The following EIF2AK1 variants were observed in gnomAD, a reference collection of about 807,000 sequenced individuals.
EIF2AK1 encodes eukaryotic translation initiation factor 2-alpha kinase 1.
Under a neutral mutation model 77.9 loss-of-function variants are expected in EIF2AK1, and 54 were observed. That is an observed-to-expected ratio of 0.69 (90% CI 0.56 to 0.87). EIF2AK1 has a LOEUF of 0.87. Ranked by LOEUF, EIF2AK1 falls within the 40% of genes least tolerant of loss-of-function variation. EIF2AK1 has a pLI of 0.00. For missense variants in EIF2AK1, 810 were observed against 768.6 expected (o/e 1.05, Z -0.64); for synonymous variants, 314 against 290.5 (o/e 1.08, Z -0.82).
chr7:6,024,912 C>G, intron 14 of EIF2AK1, 111 bp from the exon 15 acceptor site: 3 of 770,628 alleles, frequency 3.9e-6, no homozygotes, highest in Non-Finnish European at 5.6e-6. Context: ...GATCTTGGCT[C>G]ACTGCAACCT....
chr7:6,038,936 G>A (rs1247492499), intron 9 of EIF2AK1, among the ~76,000 whole-genome samples: 1 of 152,088 alleles, frequency 6.6e-6, no homozygotes, highest in Non-Finnish European at 1.5e-5. Context: ...GGGGGGCCAG[G>A]CTGAAGTCAG....
Position 6,053,244 on chromosome 7 carries a change from A to G in EIF2AK1, c.277+1302T>C, listed in dbSNP as rs114477358. ...TAGATGTATATATTTATGGGGGTAC[A>G]TGAGATATTTTGATACAGACATGTG... On this transcript the variant is annotated intron_variant, in intron 2 of 14. Coordinates refer to ENST00000199389, the MANE Select transcript of EIF2AK1 (RefSeq NM_014413.4). Among the ~76,000 whole-genome samples the G allele has an allele frequency of 6.3e-3, 964 of 152,322 alleles. 9 individuals carry two copies. Among genetic ancestry groups the G allele is most frequent in the African/African-American group, 0.022 (927 of 41,572 alleles).
chr7:6,037,741 T>C (rs556318780), intron 10 of EIF2AK1, among the ~76,000 whole-genome samples: 29 of 152,140 alleles, frequency 1.9e-4, no homozygotes, highest in African/African-American at 6.3e-4. Context: ...CACCCAACAG[T>C]TGATGGACTT....
Position 6,023,498 on chromosome 7 carries a change from G to A in EIF2AK1, c.*1175C>T, listed in dbSNP as rs145632958. The stretch of plus-strand genomic sequence containing the variant: ...AGTAAAGAAAAAGCCGCTGTTTTCC[G>A]CTCCATGAACTCTGCTCTTGGGAAG... On this transcript the variant is annotated 3_prime_UTR_variant, in exon 15 of 15. Coordinates refer to ENST00000199389, the MANE Select transcript of EIF2AK1 (RefSeq NM_014413.4). 84 of 1,614,120 alleles carry A rather than the reference G, an allele frequency of 5.2e-5. No homozygotes were observed. The East Asian group carries it at 1.4e-3, about 28-fold the overall frequency.
chr7:6,032,748 A>C lies in EIF2AK1; in HGVS notation c.1333-3716T>G. 1 of 1,052,550 alleles carries C rather than the reference A, an allele frequency of 9.5e-7. No individual in the cohort carries two copies. Among genetic ancestry groups the C allele is most frequent in the South Asian group, 1.5e-5 (1 of 67,816 alleles). The allele number at this position is 1,052,550 out of a possible 1,614,324, so 65.2% of individuals were successfully genotyped here. On this transcript the variant is annotated intron_variant, in intron 11 of 14. Transcript: ENST00000199389. The surrounding 1 kb of genome is among the most constrained non-coding windows in gnomAD (Gnocchi z 4.3). ...AGAGTGAGCCAATGAGACACTAAAT[A>C]AATGTATTGCCTTTGAAACGGCAAG...
intron 1 of EIF2AK1, chr7:6,058,230 C>A: frequency 2.2e-6 from 1 of 445,098 alleles, no homozygotes; most frequent in Non-Finnish European, 4.5e-6. Flanking sequence ...GGAAACACAG[C>A]AAGACCACAT....
rs1239209561 is a variant in EIF2AK1, at chr7:6,049,918, A to C, written c.405T>G (p.Val135=). 1.2e-6 allele frequency: 2 copies of C among 1,608,914 alleles called. No homozygotes were observed. Among genetic ancestry groups the C allele is most frequent in the Non-Finnish European group, 1.7e-6 (2 of 1,178,978 alleles). ...THLMRSAKER[V]RQDPCEDISR... ...TATATTTTTTAGGGCTTACCTGACG[A>C]ACTCTCTCTTTAGCAGACCTCATTA... Residue 135 remains valine (V), a synonymous_variant, in exon 3 of 15, where the codon GTT becomes GTG. Transcript: ENST00000199389.
At chr7:6,058,318 A>C (rs1266321437) in intron 1 of EIF2AK1, 5 of 362,826 alleles carry the variant, frequency 1.4e-5, no homozygotes, top group Non-Finnish European at 2.7e-5. Context: ...TCGGGAGGCT[A>C]AGGCTGGAGG....
chr7:6,024,300 G>C lies in EIF2AK1; in HGVS notation c.*373C>G. 2 of 1,215,960 alleles carry C rather than the reference G, an allele frequency of 1.6e-6. No individual in the cohort carries two copies. The highest frequency in any genetic ancestry group is 2.1e-6 in the Non-Finnish European group (2 of 960,646). The allele number at this position is 1,215,960 out of a possible 1,614,324, so 75.3% of individuals were successfully genotyped here. A position where few individuals can be genotyped will look rare whatever the true frequency, so the allele number is the denominator to read the frequency against. On this transcript the variant is annotated 3_prime_UTR_variant, in exon 15 of 15. Transcript: ENST00000199389. Reference sequence around the variant, plus strand: ...AGGAAGACTGGCAGCTGTCAAAACTGGAACAGTCCAGTGAGTATGTGCAGG... The same window carrying C: ...AGGAAGACTGGCAGCTGTCAAAACTCGAACAGTCCAGTGAGTATGTGCAGG...
In EIF2AK1 at chr7:6,035,925, A is replaced by G; in HGVS notation, c.1332+1499T>C. ...GGTCAGCTGCATCCGTCTGCTACTC[A>G]CTCACGGAGCCAAAGTCAACGCCCA... On this transcript the variant is annotated intron_variant, in intron 11 of 14. Coordinates refer to ENST00000199389, the MANE Select transcript of EIF2AK1 (RefSeq NM_014413.4). This position sits in a 1 kb window ranked among gnomAD's most constrained non-coding sequence, Gnocchi z 5.5. 6.5e-7 allele frequency: 1 copy of G among 1,547,120 alleles called. No individual in the cohort carries two copies. The highest frequency in any genetic ancestry group is 8.7e-7 in the Non-Finnish European group (1 of 1,144,742).
rs1380879539 is a variant in EIF2AK1, at chr7:6,035,569, C to A, written c.1332+1855G>T. ...ACAGACATTCAGAATAGCAGCATCA[C>A]ATGTCTCCGCATCTTGTGTGCGCAC... On this transcript the variant is annotated intron_variant, in intron 11 of 14. Coordinates refer to ENST00000199389, the MANE Select transcript of EIF2AK1 (RefSeq NM_014413.4). This position sits in a 1 kb window ranked among gnomAD's most constrained non-coding sequence, Gnocchi z 5.5. 6.4e-7 allele frequency: 1 copy of A among 1,551,072 alleles called. No individual in the cohort carries two copies. Among genetic ancestry groups the A allele is most frequent in the Non-Finnish European group, 8.7e-7 (1 of 1,147,124 alleles).
chr7:6,048,892 G>A (rs771098361), intron 3 of EIF2AK1, 48 bp from the exon 4 acceptor site: 12 of 1,351,616 alleles, frequency 8.9e-6, no homozygotes, highest in East Asian at 4.7e-5. Flanking sequence ...AACTTGCATG[G>A]AATAAAGAAC....
At chr7:6,034,559 T>C (rs1788020432) in intron 11 of EIF2AK1, among the ~76,000 whole-genome samples, 1 of 152,158 alleles carries the variant, frequency 6.6e-6, no homozygotes, top group Non-Finnish European at 1.5e-5. Flanking sequence ...GCTTCCACTA[T>C]TTACTGAGCT....
chr7:6,026,942 C>T lies in EIF2AK1; in HGVS notation c.1550G>A (p.Gly517Asp), dbSNP rs1276691223. The T allele has an allele frequency of 1.2e-6, 2 of 1,613,928 alleles. No individual in the cohort carries two copies. The highest frequency in any genetic ancestry group is 8.5e-7 in the Non-Finnish European group (1 of 1,180,024). ...CTGAAAGAGCTCTAGCAGGACCACA[C>T]CCAAGCTGTACATATCTGACTGGAA... Reference protein sequence around the residue: ...YDAKSDMYSLGVVLLELFQPF... With the variant: ...YDAKSDMYSLDVVLLELFQPF... The change falls in exon 14 of 15, where the codon GGT (glycine) becomes GAT (aspartate). Residue 517 changes from glycine to aspartate, a missense_variant. Physicochemically the swap from Gly to Asp is moderately conservative, Grantham distance 94 (BLOSUM62 -1). Coordinates refer to ENST00000199389, the MANE Select transcript of EIF2AK1 (RefSeq NM_014413.4).
At position 6,022,992 on chromosome 7, in the gene EIF2AK1, C is replaced by T. The variant is rs1011812101; in HGVS notation, c.*1681G>A. ...CTGGGAGATGCAGCTCCTGGGTTTC[C>T]AGCCCTCAGCCCCCAAAACCTTAGG... On this transcript the variant is annotated 3_prime_UTR_variant, in exon 15 of 15. Coordinates refer to ENST00000199389, the MANE Select transcript of EIF2AK1 (RefSeq NM_014413.4). The T allele has an allele frequency of 3.6e-6, 1 of 281,100 alleles. No individual in the cohort carries two copies. Among genetic ancestry groups the T allele is most frequent in the Non-Finnish European group, 6.6e-6 (1 of 150,432 alleles). 17.4% of individuals were successfully genotyped at this position (281,100 alleles called of 1,614,324 possible). A position where few individuals can be genotyped will look rare whatever the true frequency, so the allele number is the denominator to read the frequency against.
In EIF2AK1 at chr7:6,040,953, T is replaced by G. The variant is rs2128889150; in HGVS notation, c.1058A>C (p.Glu353Ala). The G allele has an allele frequency of 6.2e-7, 1 of 1,614,150 alleles. No homozygotes were observed. Among genetic ancestry groups the G allele is most frequent in the East Asian group, 2.2e-5 (1 of 44,880 alleles). Residue 353 changes from glutamate (E) to alanine (A), a missense_variant, in exon 9 of 15, where the codon GAG becomes GCG. Around this residue, in one of 3 missense-constraint regions of EIF2AK1, gnomAD observed 549 missense variants for 533.7 expected, o/e 1.03. Coordinates refer to ENST00000199389, the MANE Select transcript of EIF2AK1 (RefSeq NM_014413.4). ...LPLRRNSHLEESFTSTEESSE... is the reference protein window; with the variant it reads ...LPLRRNSHLEASFTSTEESSE... ...AGATTCTTCGGTGGATGTGAAACTC[T>G]CCTCTAGGTGGGAATTACGCCTGAG... is the stretch of plus-strand genomic sequence containing the variant.
intron 2 of EIF2AK1, 131 bp downstream of exon 2, chr7:6,054,415 A>T (rs1472081457): frequency 8.4e-6 from 8 of 957,686 alleles, no homozygotes; most frequent in Non-Finnish European, 1.2e-5. Context: ...TGTTAGCCAA[A>T]CCGATCTCGA....
Position 6,042,400 on chromosome 7 carries a change from G to A in EIF2AK1, c.791+533C>T, listed in dbSNP as rs904042540. 2.0e-5 allele frequency among the ~76,000 whole-genome samples: 3 copies of A among 149,702 alleles called. No homozygotes were observed. The East Asian group carries it at 6.0e-4, about 30-fold the overall frequency. The stretch of plus-strand genomic sequence containing the variant: ...TGGGAGGCAGAGGTTGCAGTGAGCT[G>A]AGATCACATCACTGCACTCCAACCT... On this transcript the variant is annotated intron_variant, in intron 8 of 14. Transcript: ENST00000199389.
intron 2 of EIF2AK1, among the ~76,000 whole-genome samples, chr7:6,051,368 T>C (rs969271170): frequency 4.0e-5 from 6 of 150,948 alleles, no homozygotes; most frequent in African/African-American, 1.5e-4. Context: ...ATCTCCAGGG[T>C]TCATGCGATT....
Sources: gnomAD v4.1 joint callset for allele counts (sites outside exome capture counted in the v4.1 genomes callset) on GRCh38, gnomAD v4.1.1 for gene constraint, gnomAD v4.1.1 regional missense constraint, Gnocchi (gnomAD v3.1) non-coding constraint, MANE v1.5 for transcripts, NCBI Gene and HGNC (gene_info 2026-07-23, HGNC 2026-07-21) for gene names.